KDM5A: variants seen among roughly 807,000 people sequenced by gnomAD.
KDM5A encodes lysine demethylase 5A, also known as lysine-specific demethylase 5A.
A neutral mutation model predicts 193.5 loss-of-function variants in KDM5A; 42 were observed. The ratio of observed to expected loss-of-function variants is 0.22; its 90% CI spans 0.17 to 0.28. The LOEUF (loss-of-function observed/expected upper bound fraction) is 0.28. Among genes scored for constraint, KDM5A ranks in the 10% least tolerant of loss-of-function variants. The pLI is 1.00. For missense variants in KDM5A, 1,692 were observed against 2,055.1 expected (o/e 0.82, Z 3.42); for synonymous variants, 796 against 718.1 (o/e 1.11, Z -1.73).
intron 4 of KDM5A, among the ~76,000 whole-genome samples, chr12:364,542 T>C (rs562872137): frequency 6.6e-5 from 10 of 150,908 alleles, no homozygotes; most frequent in Admixed American, 3.3e-4. Context: ...TCCCAGCACT[T>C]TGGGAGGCCG....
chr12:290,854 C>T (rs985454872), intron 27 of KDM5A, among the ~76,000 whole-genome samples: 4 of 151,956 alleles, frequency 2.6e-5, no homozygotes, highest in East Asian at 1.9e-4. Context: ...AAAAATAAGA[C>T]GAAAGGCTCA....
chr12:298,589 G>C (rs1478915651), intron 24 of KDM5A, among the ~76,000 whole-genome samples: 1 of 152,110 alleles, frequency 6.6e-6, no homozygotes, highest in Non-Finnish European at 1.5e-5. Context: ...ACGAAGATGG[G>C]GAGAAACCAG....
intron 22 of KDM5A, 148 bp downstream of exon 22, chr12:309,653 AAT>A (rs764873849): frequency 6.0e-6 from 5 of 831,226 alleles, no homozygotes; most frequent in Non-Finnish European, 9.6e-6. Context: ...CTTGATTATA[AAT>A]ATTTACTTTT....
chr12:383,765 T>C (rs1321191327), intron 3 of KDM5A, among the ~76,000 whole-genome samples: 1 of 152,086 alleles, frequency 6.6e-6, no homozygotes, highest in Non-Finnish European at 1.5e-5. Flanking sequence ...TTTTTTTTTT[T>C]GAGACCGAGT....
chr12:344,042 T>C (rs1323748518), intron 10 of KDM5A, among the ~76,000 whole-genome samples: 5 of 152,122 alleles, frequency 3.3e-5, no homozygotes, highest in African/African-American at 7.2e-5. Flanking sequence ...AATCGCTAAC[T>C]AGAATAAACA....
In KDM5A at chr12:383,453, G is replaced by C. The variant is rs552485436; in HGVS notation, c.366+578C>G. Among the ~76,000 whole-genome samples, 3 of 152,138 alleles carry C rather than the reference G, an allele frequency of 2.0e-5. No individual in the cohort carries two copies. In the South Asian group the frequency reaches 6.2e-4, roughly 32 times the overall value. On this transcript the variant is annotated intron_variant, in intron 3 of 27. Coordinates refer to ENST00000399788, the MANE Select transcript of KDM5A (RefSeq NM_001042603.3). ...GCTAGTCTCTAACTCCTAGGCTCAA[G>C]TGATCCTCCCACCTCAACCTCCTAA...
intron 8 of KDM5A, among the ~76,000 whole-genome samples, 151 bp downstream of exon 8, chr12:353,920 CAAAAA>C (rs35599427): frequency 1.7e-5 from 2 of 120,750 alleles, no homozygotes. Context: ...GACACCATCT[CAAAAA>C]AAAAAAAAAA....
chr12:374,665 G>A (rs1461219131), intron 3 of KDM5A, among the ~76,000 whole-genome samples: 1 of 152,142 alleles, frequency 6.6e-6, no homozygotes, highest in East Asian at 1.9e-4. Flanking sequence ...TTTCTTCCTG[G>A]CATCGATGGT....
intron 19 of KDM5A, among the ~76,000 whole-genome samples, chr12:313,571 A>T (rs1309005813): frequency 6.6e-6 from 1 of 152,202 alleles, no homozygotes; most frequent in Non-Finnish European, 1.5e-5. Flanking sequence ...ACTTGTCTAC[A>T]GTACCTGAAA....
chr12:287,113 T>C (rs1301860558), intron 27 of KDM5A, among the ~76,000 whole-genome samples: 2 of 152,172 alleles, frequency 1.3e-5, no homozygotes, highest in East Asian at 3.8e-4. Context: ...ATGGCTCTAC[T>C]CATTACCCTA....
At chr12:340,909 G>A (rs1210507918) in intron 10 of KDM5A, among the ~76,000 whole-genome samples, 4 of 151,942 alleles carry the variant, frequency 2.6e-5, no homozygotes, top group East Asian at 1.9e-4. Flanking sequence ...ACAAACACAC[G>A]GTTATAAGCC....
chr12:302,741 G>A (rs1366177899), intron 24 of KDM5A, among the ~76,000 whole-genome samples: 1 of 152,090 alleles, frequency 6.6e-6, no homozygotes, highest in Non-Finnish European at 1.5e-5. Context: ...GCAACCTACG[G>A]AATGGGAGAA....
Position 328,861 on chromosome 12 carries a change from G to A in KDM5A, c.1942C>T (p.Arg648Ter), listed in dbSNP as rs772644374. The change falls in exon 14 of 28, where the codon CGA (arginine) becomes TGA (stop). Residue 648 changes from arginine to a stop codon, truncating the protein, a stop_gained. Coordinates refer to ENST00000399788, the MANE Select transcript of KDM5A (RefSeq NM_001042603.3). LOFTEE classifies it high-confidence loss of function. Reference sequence around the variant, plus strand: ...ATCTGTACAACAGACTCTCTTAATCGTGTTTCTTCTTCAGTCATGAGAGTC... The same window carrying A: ...ATCTGTACAACAGACTCTCTTAATCATGTTTCTTCTTCAGTCATGAGAGTC... ...ELTLMTEEET[R>*]LRESVVQMGV... 2 of 1,613,990 alleles carry A rather than the reference G, an allele frequency of 1.2e-6. No individual in the cohort carries two copies. The highest frequency in any genetic ancestry group is 1.7e-5 in the Admixed American group (1 of 60,008).
intron 4 of KDM5A, among the ~76,000 whole-genome samples, chr12:365,719 A>G (rs1268841626): frequency 6.6e-6 from 1 of 152,256 alleles, no homozygotes; most frequent in African/African-American, 2.4e-5. Flanking sequence ...AGTTTCAGTC[A>G]TAAAGGTTTA....
At chr12:347,054 C>A (rs527698138) in intron 10 of KDM5A, among the ~76,000 whole-genome samples, 1 of 152,160 alleles carries the variant, frequency 6.6e-6, no homozygotes, top group Non-Finnish European at 1.5e-5. Context: ...AGCTGATAAG[C>A]AACTTCAGCA....
At chr12:288,731 A>C (rs1943252184) in intron 27 of KDM5A, among the ~76,000 whole-genome samples, 1 of 152,264 alleles carries the variant, frequency 6.6e-6, no homozygotes, top group South Asian at 2.1e-4. Flanking sequence ...CAATTCACTA[A>C]GTGAACTACA....
intron 26 of KDM5A, among the ~76,000 whole-genome samples, chr12:294,612 A>G (rs1160142944): frequency 6.6e-6 from 1 of 152,258 alleles, no homozygotes; most frequent in East Asian, 1.9e-4. Flanking sequence ...GACTTTCAAA[A>G]CAAAAACAAA....
At chr12:334,732 C>T (rs1191788328) in intron 10 of KDM5A, among the ~76,000 whole-genome samples, 2 of 152,178 alleles carry the variant, frequency 1.3e-5, no homozygotes, top group African/African-American at 2.4e-5. Context: ...TACAACATCA[C>T]TATTTCTATT....
At chr12:334,106 A>T (rs1943896041) in intron 11 of KDM5A, 135 bp downstream of exon 11, 1 of 803,814 alleles carries the variant, frequency 1.2e-6, no homozygotes, top group Non-Finnish European at 2.0e-6. Context: ...TACCCAAAGA[A>T]ATAGGCCAAG....
Sources: allele counts gnomAD v4.1 joint callset (sites outside exome capture counted in the v4.1 genomes callset), GRCh38; gene constraint gnomAD v4.1.1; transcripts MANE v1.5; gene names NCBI Gene and HGNC (gene_info 2026-07-23, HGNC 2026-07-21).